Variants in DNAH14 observed in about 807,000 individuals in gnomAD.
The protein encoded by DNAH14 is dynein axonemal heavy chain 14.
DNAH14 carries 478 observed loss-of-function variants against 520.9 expected under a neutral mutation model. That is an observed-to-expected ratio of 0.92 (90% confidence interval 0.85 to 0.99). The LOEUF is 0.99. Ranked by LOEUF, DNAH14 falls within the 50% of genes least tolerant of loss-of-function variation. The pLI, the probability that DNAH14 is intolerant of heterozygous loss-of-function variation, is 0.00. For synonymous variants in DNAH14, 1,581 were observed against 1,757.2 expected, an observed-to-expected ratio of 0.90 and a Z score of 2.51; for missense variants, 4,831 against 5,234.5, an observed-to-expected ratio of 0.92 and a Z score of 2.38.
Position 225,217,360 on chromosome 1 carries a change from TGAG to T in DNAH14, c.6439+10145_6439+10147del, listed in dbSNP as rs375166089. Among the ~76,000 whole-genome samples the T allele has an allele frequency of 5.0e-3, 762 of 152,314 alleles. 7 individuals are homozygous for T. The highest frequency in any genetic ancestry group is 0.017 in the African/African-American group (719 of 41,568). ...GCTCCTCAGGCATCAGGGACTCACTTGAGGAGGCAGTCTGTCTGTTCTCAGATC... is the reference window on the plus strand; with the variant it reads ...GCTCCTCAGGCATCAGGGACTCACTTGAGGCAGTCTGTCTGTTCTCAGATC... On this transcript the variant is annotated intron_variant, in intron 41 of 85. Transcript: ENST00000682510.
intron 54 of DNAH14, among the ~76,000 whole-genome samples, chr1:225,284,050 A>T (rs1280220920): frequency 6.6e-6 from 1 of 152,142 alleles, no homozygotes; most frequent in Non-Finnish European, 1.5e-5. Flanking sequence ...CTTATATTTA[A>T]AAAGAGCAAC....
At position 225,085,784 on chromosome 1, in the gene DNAH14, A is replaced by G; in HGVS notation, c.3568A>G (p.Ile1190Val). Residue 1190 changes from isoleucine (I) to valine (V), a missense_variant, in exon 21 of 86, where the codon ATT becomes GTT. By Grantham distance (29) the Ile-to-Val change is conservative. Coordinates refer to ENST00000682510, the MANE Select transcript of DNAH14 (RefSeq NM_001367479.1). ...TIKGSPHIGP[I>V]KDLVNEWDQN... ...TAAAGGATCTCCCCACATTGGGCCC[A>G]TTAAGGTAAGTATTATGGCAAAGGA... 1 of 1,541,316 alleles carries G rather than the reference A, an allele frequency of 6.5e-7. No individual in the cohort carries two copies. Among genetic ancestry groups the G allele is most frequent in the Non-Finnish European group, 8.7e-7 (1 of 1,143,888 alleles).
chr1:225,366,319 C>G (rs1278557229), intron 76 of DNAH14, among the ~76,000 whole-genome samples: 1 of 152,142 alleles, frequency 6.6e-6, no homozygotes, highest in Non-Finnish European at 1.5e-5. Flanking sequence ...TGGCCCACTT[C>G]TAGGAAAAGG....
Position 225,346,229 on chromosome 1 carries a change from A to G in DNAH14, c.10946A>G (p.Gln3649Arg), listed in dbSNP as rs17522489. 259,975 of 1,551,426 alleles carry G rather than the reference A, an allele frequency of 0.17. 23,302 individuals carry two copies. The highest frequency in any genetic ancestry group is 0.25 in the South Asian group (20,934 of 84,028). ...VSSVVSKSKEQEHSFKREKVS... is the reference protein window; with the variant it reads ...VSSVVSKSKEREHSFKREKVS... The stretch of plus-strand genomic sequence containing the variant: ...TCAGTAGTTTCCAAAAGCAAAGAAC[A>G]AGAACATAGTTTTAAAAGGGAGAAA... The change falls in exon 70 of 86, where the codon CAA becomes CGA. Residue 3649 changes from glutamine to arginine, a missense_variant. Coordinates refer to ENST00000682510, the MANE Select transcript of DNAH14 (RefSeq NM_001367479.1).
chr1:225,227,820 C>T (rs997778241), intron 41 of DNAH14, among the ~76,000 whole-genome samples: 1 of 152,086 alleles, frequency 6.6e-6, no homozygotes, highest in Non-Finnish European at 1.5e-5. Context: ...ATATTACGAA[C>T]GTTATTCATA....
chr1:225,311,876 C>T (rs2094373849), intron 60 of DNAH14, among the ~76,000 whole-genome samples: 1 of 151,970 alleles, frequency 6.6e-6, no homozygotes, highest in Non-Finnish European at 1.5e-5. Context: ...AGTCAGGTAG[C>T]GTGATGCCTC....
intron 1 of DNAH14, among the ~76,000 whole-genome samples, chr1:224,944,931 T>A (rs1045194786): frequency 1.3e-5 from 2 of 152,242 alleles, no homozygotes; most frequent in Admixed American, 6.5e-5. Flanking sequence ...TAACATTTTT[T>A]CCTTCATTTC....
chr1:225,066,021 T>C (rs2070842966), intron 17 of DNAH14, among the ~76,000 whole-genome samples: 1 of 152,066 alleles, frequency 6.6e-6, no homozygotes, highest in Admixed American at 6.6e-5. Flanking sequence ...CCTTGCCACA[T>C]GTACTTTCAT....
rs1173761605 is a variant in DNAH14 at position 225,388,443 on chromosome 1, A to G, written c.13142A>G (p.Asn4381Ser). 1.3e-6 allele frequency: 2 copies of G among 1,534,842 alleles called. No homozygotes were observed. The highest frequency in any genetic ancestry group is 1.8e-6 in the Non-Finnish European group (2 of 1,133,366). The change falls in exon 82 of 86, where the codon AAT becomes AGT. Residue 4381 changes from asparagine to serine, a missense_variant. Coordinates refer to ENST00000682510, the MANE Select transcript of DNAH14 (RefSeq NM_001367479.1). ...SWIDDLIQRL[N>S]FFNTWAKVAY... The stretch of plus-strand genomic sequence containing the variant: ...ATTGATGATCTCATCCAGCGACTGA[A>G]TTTCTTCAATACTTGGGCCAAAGTG...
At chr1:225,085,371 A>T (rs1335038163) in intron 20 of DNAH14, among the ~76,000 whole-genome samples, 173 bp from the exon 21 acceptor site, 1 of 152,204 alleles carries the variant, frequency 6.6e-6, no homozygotes, top group African/African-American at 2.4e-5. Flanking sequence ...GTGCAAAGGG[A>T]TATGTCATGA....
chr1:225,090,009 A>T, intron 21 of DNAH14, among the ~76,000 whole-genome samples: 1 of 152,172 alleles, frequency 6.6e-6, no homozygotes, highest in East Asian at 1.9e-4. Context: ...GAAAAAGAAG[A>T]AGTAAAATAT....
At chr1:225,175,746 C>A (rs1307006132) in intron 36 of DNAH14, among the ~76,000 whole-genome samples, 1 of 142,704 alleles carries the variant, frequency 7.0e-6, no homozygotes, top group Non-Finnish European at 1.5e-5. Flanking sequence ...CTCTGTCCCC[C>A]TAACTAGAGT....
chr1:224,939,296 C>A (rs1230102670), intron 1 of DNAH14, among the ~76,000 whole-genome samples: 2 of 152,076 alleles, frequency 1.3e-5, no homozygotes, highest in African/African-American at 2.4e-5. Context: ...GTAAGTAGAA[C>A]CCTCAGATGC....
At chr1:225,067,045 G>A (rs571612614) in intron 17 of DNAH14, among the ~76,000 whole-genome samples, 1 of 152,244 alleles carries the variant, frequency 6.6e-6, no homozygotes, top group Admixed American at 6.5e-5. Flanking sequence ...ATGTGTCAAA[G>A]GAGTTTGTTA....
rs758256033 is a variant in DNAH14, at chr1:225,153,778, T to C, written c.5225T>C (p.Leu1742Pro). 49 of 1,549,628 alleles carry C rather than the reference T, an allele frequency of 3.2e-5. No individual in the cohort carries two copies. Among genetic ancestry groups the C allele is most frequent in the Non-Finnish European group, 4.2e-5 (48 of 1,145,846 alleles). Reference protein sequence around the residue: ...QDHYNFGLRSLKIVLIMAGTK... With the variant: ...QDHYNFGLRSPKIVLIMAGTK... Reference sequence around the variant, plus strand: ...CATTATAATTTTGGCTTGAGATCTCTGAAGATAGTTTTAATAATGGCTGGA... The same window carrying C: ...CATTATAATTTTGGCTTGAGATCTCCGAAGATAGTTTTAATAATGGCTGGA... Residue 1742 changes from leucine (L) to proline (P), a missense_variant, in exon 34 of 86, where the codon CTG becomes CCG. Transcript: ENST00000682510.
intron 11 of DNAH14, among the ~76,000 whole-genome samples, chr1:225,028,939 C>T (rs939908979): frequency 6.6e-6 from 1 of 151,954 alleles, no homozygotes; most frequent in African/African-American, 2.4e-5. Context: ...TAGCAAGCCT[C>T]CTCCTAGCCA....
At chr1:225,240,869 A>G in intron 43 of DNAH14, 47 bp downstream of exon 43, 1 of 1,250,012 alleles carries the variant, frequency 8.0e-7, no homozygotes, top group Non-Finnish European at 1.1e-6. Flanking sequence ...TTAAAATATT[A>G]ATTTAAAGCA....
At chr1:225,275,824 GC>G (rs1348366826) in intron 52 of DNAH14, 89 bp from the exon 53 acceptor site, 1 of 204,778 alleles carries the variant, frequency 4.9e-6, no homozygotes, top group Non-Finnish European at 1.1e-5. Flanking sequence ...TGTGCCAGGA[GC>G]TTCTCCAACA....
intron 10 of DNAH14, among the ~76,000 whole-genome samples, chr1:225,020,200 A>G (rs1488281887): frequency 6.7e-6 from 1 of 150,248 alleles, no homozygotes; most frequent in Non-Finnish European, 1.5e-5. Flanking sequence ...CCAGAGAAAT[A>G]CAAAAAAAAA....
Sources: allele counts gnomAD v4.1 joint callset (sites outside exome capture counted in the v4.1 genomes callset), GRCh38; gene constraint gnomAD v4.1.1; transcripts MANE v1.5; gene names NCBI Gene and HGNC (gene_info 2026-07-23, HGNC 2026-07-21).